The following SIPA1L1 variants were observed in gnomAD, a reference collection of about 807,000 sequenced individuals.
The protein encoded by SIPA1L1 is signal-induced proliferation-associated 1-like protein 1.
A neutral mutation model predicts 162.7 loss-of-function variants in SIPA1L1; 26 were observed. That is an observed-to-expected ratio of 0.16 (90% CI 0.12 to 0.22). The LOEUF (loss-of-function observed/expected upper bound fraction) is 0.22. Ranked by LOEUF, SIPA1L1 falls within the 10% of genes least tolerant of loss-of-function variation. SIPA1L1 has a pLI of 1.00. For missense variants in SIPA1L1, 1,874 were observed against 2,241.0 expected (o/e 0.84, Z 3.31); for synonymous variants, 829 against 837.4 (o/e 0.99, Z 0.17).
intron 17 of SIPA1L1, among the ~76,000 whole-genome samples, chr14:71,710,480 T>C (rs564472818): frequency 1.3e-5 from 2 of 152,346 alleles, no homozygotes; most frequent in South Asian, 2.1e-4. Flanking sequence ...CTAACCTTGC[T>C]GTCTTCTGGG....
At chr14:71,721,928 C>T (rs987914121) in intron 17 of SIPA1L1, among the ~76,000 whole-genome samples, 6 of 152,236 alleles carry the variant, frequency 3.9e-5, no homozygotes, top group African/African-American at 9.6e-5. Flanking sequence ...CCAGCTGGGA[C>T]TCAGCTTCCT....
intron 7 of SIPA1L1, among the ~76,000 whole-genome samples, chr14:71,634,016 C>T (rs2040858848): frequency 6.7e-6 from 1 of 148,454 alleles, no homozygotes; most frequent in Non-Finnish European, 1.5e-5. Flanking sequence ...AAGAAGTCCA[C>T]AGCAAGAGAC....
chr14:71,573,071 G>A (rs151250109), intron 4 of SIPA1L1, among the ~76,000 whole-genome samples: 2 of 152,306 alleles, frequency 1.3e-5, no homozygotes, highest in East Asian at 3.9e-4. Context: ...TAAGGAAATA[G>A]TGAGGGAAAC....
intron 2 of SIPA1L1, among the ~76,000 whole-genome samples, chr14:71,459,936 G>A (rs974573863): frequency 2.0e-5 from 3 of 152,118 alleles, no homozygotes; most frequent in Admixed American, 1.3e-4. Context: ...ACAATAATAA[G>A]GTCATAATTA....
At chr14:71,634,506 T>G (rs914290223) in intron 7 of SIPA1L1, among the ~76,000 whole-genome samples, 2 of 151,890 alleles carry the variant, frequency 1.3e-5, no homozygotes, top group Non-Finnish European at 2.9e-5. Flanking sequence ...GCATGATAAT[T>G]TTTCAGGAGA....
chr14:71,634,567 T>C (rs530578360), intron 7 of SIPA1L1, among the ~76,000 whole-genome samples: 34 of 152,136 alleles, frequency 2.2e-4, no homozygotes, highest in African/African-American at 7.9e-4. Context: ...GAGAATATCC[T>C]TCAGGAATGA....
At chr14:71,499,268 C>T (rs568471231) in intron 2 of SIPA1L1, among the ~76,000 whole-genome samples, 9 of 152,176 alleles carry the variant, frequency 5.9e-5, no homozygotes, top group Admixed American at 5.9e-4. Context: ...CCTGAGCCTG[C>T]GGAGGTTGAG....
At chr14:71,531,943 A>G (rs1290511031) in intron 4 of SIPA1L1, among the ~76,000 whole-genome samples, 1 of 152,200 alleles carries the variant, frequency 6.6e-6, no homozygotes, top group Non-Finnish European at 1.5e-5. Flanking sequence ...TTCAAAAATC[A>G]TTAATCCTTT....
Position 71,685,379 on chromosome 14 carries a change from A to T in SIPA1L1, c.3122A>T (p.Tyr1041Phe). The T allele has an allele frequency of 6.2e-7, 1 of 1,614,144 alleles. No homozygotes were observed. The highest frequency in any genetic ancestry group is 8.5e-7 in the Non-Finnish European group (1 of 1,180,012). Reference sequence around the variant, plus strand: ...CCTAATAGGAGTTGCTCTGAAACCTACCGCATGCCAGTGATGGAGTACAAA... The same window carrying T: ...CCTAATAGGAGTTGCTCTGAAACCTTCCGCATGCCAGTGATGGAGTACAAA... ...CTPRRSCSET[Y>F]RMPVMEYKMN... Residue 1041 changes from tyrosine (Y) to phenylalanine (F), a missense_variant, in exon 13 of 24, where the codon TAC becomes TTC. Physicochemically the swap from Tyr to Phe is conservative, Grantham distance 22. Around this residue, in one of 5 missense-constraint regions of SIPA1L1, gnomAD observed 936 missense variants for 1,051.9 expected, o/e 0.89. Coordinates refer to ENST00000381232, the MANE Select transcript of SIPA1L1 (RefSeq NM_001386936.1).
At chr14:71,573,738 A>G (rs1215053699) in intron 4 of SIPA1L1, 2 of 456,610 alleles carry the variant, frequency 4.4e-6, no homozygotes, top group Middle Eastern at 3.2e-4. Context: ...AAAATGAAAC[A>G]ATATCCATTA....
In SIPA1L1 at chr14:71,685,452, TAAC is replaced by T; in HGVS notation, c.3198_3200del (p.Asn1066del). 1 of 1,614,112 alleles carries T rather than the reference TAAC, an allele frequency of 6.2e-7. No homozygotes were observed. On this transcript the variant is annotated inframe_deletion, in exon 13 of 24. Transcript: ENST00000381232. ...AATTCAAGTTTCCCTTCCGAAATAA[TAAC>T]AAGTGGCAGAGGAACGCCAGCAAGG...
In SIPA1L1 at chr14:71,661,387, A is replaced by C; in HGVS notation, c.2175A>C (p.Pro725=). Residue 725 remains proline (P), a synonymous_variant, in exon 10 of 24, where the codon CCA becomes CCC. Transcript: ENST00000381232. ...FQEPGAQPFS[P]KNIRSHFQHV... is the part of the protein sequence containing the mutation. Reference sequence around the variant, plus strand: ...AGCCTGGAGCACAGCCATTCAGCCCAAAAAACATCCGATCCCACTTCCAGC... The same window carrying C: ...AGCCTGGAGCACAGCCATTCAGCCCCAAAAACATCCGATCCCACTTCCAGC... 3.7e-6 allele frequency: 6 copies of C among 1,614,000 alleles called. No homozygotes were observed. Among genetic ancestry groups the C allele is most frequent in the Non-Finnish European group, 5.1e-6 (6 of 1,179,936 alleles).
At position 71,735,365 on chromosome 14, in the gene SIPA1L1, T is replaced by C. The variant is rs1597310231; in HGVS notation, c.5097T>C (p.Ala1699=). 4 of 1,614,044 alleles carry C rather than the reference T, an allele frequency of 2.5e-6. No individual in the cohort carries two copies. The highest frequency in any genetic ancestry group is 3.4e-6 in the Non-Finnish European group (4 of 1,179,898). ...ACAGTGATCAGCTGGAGGACCAGGC[T>C]CTGGCCCAGATGAAGCCTTACAGCA... ...ASNSDQLEDQ[A]LAQMKPYSSS... Residue 1699 remains alanine, a synonymous_variant, in exon 22 of 24, where the codon GCT becomes GCC. Transcript: ENST00000381232.
At chr14:71,391,340 C>T (rs1439800434) in intron 2 of SIPA1L1, among the ~76,000 whole-genome samples, 1 of 152,062 alleles carries the variant, frequency 6.6e-6, no homozygotes, top group African/African-American at 2.4e-5. Flanking sequence ...CTCTTGACCT[C>T]GTGATCCGCC....
At chr14:71,345,736 T>G (rs1463177060) in intron 2 of SIPA1L1, among the ~76,000 whole-genome samples, 7 of 150,986 alleles carry the variant, frequency 4.6e-5, no homozygotes, top group Non-Finnish European at 1.5e-5. Context: ...CCCGGCTAAT[T>G]TTTTTGTATT....
At chr14:71,641,376 T>C (rs1235627875) in intron 7 of SIPA1L1, among the ~76,000 whole-genome samples, 1 of 148,530 alleles carries the variant, frequency 6.7e-6, no homozygotes, top group Non-Finnish European at 1.5e-5. Context: ...GATGGAAAAA[T>C]ACCTTTAAAG....
intron 13 of SIPA1L1, among the ~76,000 whole-genome samples, chr14:71,689,890 T>C (rs2081131223): frequency 6.6e-6 from 1 of 152,132 alleles, no homozygotes; most frequent in African/African-American, 2.4e-5. Context: ...GTGAATATGG[T>C]GGAAACAAAC....
chr14:71,573,607 G>A (rs1448170159), intron 4 of SIPA1L1: 1 of 456,606 alleles, frequency 2.2e-6, no homozygotes, highest in South Asian at 1.5e-5. Flanking sequence ...CGAGAGCTGG[G>A]CAGAGGAAAA....
At chr14:71,577,849 A>G (rs1306599223) in intron 4 of SIPA1L1, among the ~76,000 whole-genome samples, 6 of 147,190 alleles carry the variant, frequency 4.1e-5, no homozygotes, top group Non-Finnish European at 8.9e-5. Flanking sequence ...CTGCCACCTC[A>G]GCCTCCTGAA....
Sources: gnomAD v4.1 joint callset for allele counts (sites outside exome capture counted in the v4.1 genomes callset) on GRCh38, gnomAD v4.1.1 for gene constraint, gnomAD v4.1.1 regional missense constraint, MANE v1.5 for transcripts, NCBI Gene and HGNC (gene_info 2026-07-23, HGNC 2026-07-21) for gene names.